POU2F1: variants seen among roughly 807,000 people sequenced by gnomAD.
POU2F1 encodes the protein POU class 2 homeobox 1, also known as POU domain, class 2, transcription factor 1.
Under a neutral mutation model 84.9 loss-of-function variants are expected in POU2F1, and 16 were observed. The ratio of observed to expected loss-of-function variants is 0.19; its 90% confidence interval spans 0.13 to 0.29. POU2F1 has a LOEUF of 0.29. Ranked by LOEUF, POU2F1 falls within the 10% of genes least tolerant of loss-of-function variation. The pLI, the probability that POU2F1 is intolerant of heterozygous loss-of-function variation, is 1.00. For synonymous variants in POU2F1, 368 were observed against 368.3 expected, an observed-to-expected ratio of 1.00 and a Z score of 0.01; for missense variants, 738 against 942.6, an observed-to-expected ratio of 0.78 and a Z score of 2.84.
chr1:167,226,168 A>G (rs959599424), intron 1 of POU2F1, among the ~76,000 whole-genome samples: 2 of 152,168 alleles, frequency 1.3e-5, no homozygotes, highest in African/African-American at 4.8e-5. Context: ...TGTACTTACT[A>G]TTTCTTGGGC....
At position 167,415,754 on chromosome 1, in the gene POU2F1, G is replaced by A; in HGVS notation, c.2245G>A (p.Val749Met). The change falls in exon 16 of 16, where the codon GTG (valine) becomes ATG (methionine). Residue 749 changes from valine to methionine, a missense_variant. By Grantham distance (21) the Val-to-Met change is conservative. This residue lies in a region of POU2F1 where 319 missense variants were observed against 386.0 expected (regional missense o/e 0.83). Coordinates refer to ENST00000367866, the MANE Select transcript of POU2F1 (RefSeq NM_002697.4). Reference protein sequence around the residue: ...AESIQNSLFTVASASGAASTT... With the variant: ...AESIQNSLFTMASASGAASTT... ...GTCCATCCAGAACTCTCTCTTCACA[G>A]TGGCCTCTGCCAGCGGGGCTGCGTC... 8 of 1,614,116 alleles carry A rather than the reference G, an allele frequency of 5.0e-6. No homozygotes were observed. Among genetic ancestry groups the A allele is most frequent in the Non-Finnish European group, 6.8e-6 (8 of 1,180,022 alleles).
chr1:167,393,984 C>CATTTTATTTT (rs72197092), intron 9 of POU2F1, among the ~76,000 whole-genome samples: 168 of 148,424 alleles, frequency 1.1e-3, no homozygotes, highest in East Asian at 6.9e-3. Context: ...AATGAAGTAA[C>CATTTTATTTT]ATTTTATTTT....
intron 1 of POU2F1, among the ~76,000 whole-genome samples, chr1:167,288,743 A>G (rs939220958): frequency 1.3e-5 from 2 of 152,294 alleles, no homozygotes; most frequent in Middle Eastern, 3.4e-3. Flanking sequence ...CTGCTGAACA[A>G]ATTTTAATTT....
chr1:167,248,337 A>G (rs1010579974), intron 1 of POU2F1, among the ~76,000 whole-genome samples: 4 of 152,224 alleles, frequency 2.6e-5, no homozygotes, highest in African/African-American at 7.2e-5. Flanking sequence ...TTTATCGTCT[A>G]ATTTCCATCA....
At chr1:167,276,310 A>G (rs1250546017) in intron 1 of POU2F1, among the ~76,000 whole-genome samples, 1 of 152,188 alleles carries the variant, frequency 6.6e-6, no homozygotes. Context: ...TTGCAGTGCT[A>G]TGTTCAGGTA....
chr1:167,396,608 A>C (rs562899247), intron 10 of POU2F1, 181 bp downstream of exon 10: 121 of 627,506 alleles, frequency 1.9e-4, no homozygotes, highest in Non-Finnish European at 3.1e-4. Context: ...ATTCATTTAA[A>C]TATTCTAGTA....
At chr1:167,230,297 T>C (rs1333834975) in intron 1 of POU2F1, among the ~76,000 whole-genome samples, 2 of 152,152 alleles carry the variant, frequency 1.3e-5, no homozygotes, top group African/African-American at 4.8e-5. Flanking sequence ...AAAAAGGTAC[T>C]GGGGGGTTCA....
At chr1:167,393,376 G>C (rs1371960774) in intron 9 of POU2F1, among the ~76,000 whole-genome samples, 2 of 152,068 alleles carry the variant, frequency 1.3e-5, no homozygotes, top group Non-Finnish European at 2.9e-5. Context: ...GATAAAGTGA[G>C]TTTATTATTT....
At position 167,415,930 on chromosome 1, in the gene POU2F1, G is replaced by T; in HGVS notation, c.*120G>T. 1.8e-5 allele frequency: 11 copies of T among 618,636 alleles called. No individual in the cohort carries two copies. The highest frequency in any genetic ancestry group is 9.1e-5 in the East Asian group (2 of 22,074). 38.3% of individuals were successfully genotyped at this position (618,636 alleles called of 1,614,324 possible). On this transcript the variant is annotated 3_prime_UTR_variant, in exon 16 of 16. Transcript: ENST00000367866. ...CTCTCGCCGTGTTGTGAGGGCAAAG[G>T]AGAGAAGGGAGAAAAAAAAAAAAAA...
intron 1 of POU2F1, among the ~76,000 whole-genome samples, chr1:167,231,995 C>T (rs140692767): frequency 2.6e-5 from 4 of 152,256 alleles, no homozygotes; most frequent in East Asian, 1.9e-4. Flanking sequence ...CTCGTGTGCC[C>T]TCCTCCCCCA....
chr1:167,409,331 G>A (rs566333342), intron 13 of POU2F1, among the ~76,000 whole-genome samples: 1 of 152,286 alleles, frequency 6.6e-6, no homozygotes, highest in East Asian at 1.9e-4. Context: ...GGAAGTGCCA[G>A]GTACTATATA....
At chr1:167,263,651 C>CA (rs1018117779) in intron 1 of POU2F1, among the ~76,000 whole-genome samples, 1 of 152,182 alleles carries the variant, frequency 6.6e-6, no homozygotes, top group Non-Finnish European at 1.5e-5. Flanking sequence ...TTTTACTACT[C>CA]AAAGCCTTCA....
At chr1:167,221,552 C>A (rs1571104705) in intron 1 of POU2F1, among the ~76,000 whole-genome samples, 2 of 149,492 alleles carry the variant, frequency 1.3e-5, no homozygotes, top group East Asian at 4.0e-4. Context: ...CGGGAGCGGG[C>A]CCGGGCGGGG....
chr1:167,401,602 C>A lies in POU2F1; in HGVS notation c.1555+46C>A, dbSNP rs567914865. 1.4e-5 allele frequency: 19 copies of A among 1,340,842 alleles called. No individual in the cohort carries two copies. The South Asian group carries it at 2.6e-4, about 19-fold the overall frequency. 83.1% of individuals were successfully genotyped at this position (1,340,842 alleles called of 1,614,324 possible). ...GCACCTGCTGAGCACATGGGAGGCC[C>A]GTTTTGGGTTATTATAAGAGTCTAC... On this transcript the variant is annotated intron_variant, in intron 13 of 15. Coordinates refer to ENST00000367866, the MANE Select transcript of POU2F1 (RefSeq NM_002697.4).
At chr1:167,243,463 A>C (rs1650062986) in intron 1 of POU2F1, among the ~76,000 whole-genome samples, 2 of 152,106 alleles carry the variant, frequency 1.3e-5, no homozygotes, top group Non-Finnish European at 2.9e-5. Context: ...AACAGGTATA[A>C]ATTTATTTTT....
intron 1 of POU2F1, among the ~76,000 whole-genome samples, chr1:167,256,133 T>G (rs1245138392): frequency 6.6e-6 from 1 of 152,204 alleles, no homozygotes; most frequent in Non-Finnish European, 1.5e-5. Flanking sequence ...AAAGATTCTT[T>G]GTGCTTAAAC....
chr1:167,347,252 T>C (rs1034879082), intron 2 of POU2F1, among the ~76,000 whole-genome samples: 3 of 152,244 alleles, frequency 2.0e-5, no homozygotes, highest in African/African-American at 7.2e-5. Flanking sequence ...TATATTATTT[T>C]CATTACACAT....
At chr1:167,366,740 T>C (rs1659705142) in intron 3 of POU2F1, among the ~76,000 whole-genome samples, 1 of 152,194 alleles carries the variant, frequency 6.6e-6, no homozygotes, top group Non-Finnish European at 1.5e-5. Flanking sequence ...AATTTTAAAA[T>C]ATATTTTAAA....
At chr1:167,333,781 A>G (rs1453330512) in intron 2 of POU2F1, among the ~76,000 whole-genome samples, 1 of 152,208 alleles carries the variant, frequency 6.6e-6, no homozygotes, top group Non-Finnish European at 1.5e-5. Context: ...ATTGTCAGCC[A>G]GTCTCCTTTT....
Sources: gnomAD v4.1 joint callset for allele counts (sites outside exome capture counted in the v4.1 genomes callset) on GRCh38, gnomAD v4.1.1 for gene constraint, gnomAD v4.1.1 regional missense constraint, MANE v1.5 for transcripts, NCBI Gene and HGNC (gene_info 2026-07-23, HGNC 2026-07-21) for gene names.